Variants in KCNJ6 observed in about 807,000 individuals in gnomAD.
KCNJ6 encodes potassium inwardly rectifying channel subfamily J member 6.
A neutral mutation model predicts 34.2 loss-of-function variants in KCNJ6; 9 were observed. The observed-to-expected ratio is 0.26, with a 90% CI of 0.16 to 0.46. The LOEUF (loss-of-function observed/expected upper bound fraction) is 0.46, where lower values mean the gene tolerates loss of function less well. Among genes scored for constraint, KCNJ6 ranks in the 20% least tolerant of loss-of-function variants. The pLI is 1.00. For missense variants in KCNJ6, 236 were observed against 531.3 expected (o/e 0.44, Z 5.46); for synonymous variants, 196 against 207.1 (o/e 0.95, Z 0.46).
rs10527592 is a variant in KCNJ6, at chr21:37,630,134, C to CTGTGTGTGTGTGTGTGTGTGTG, written c.947-4672_947-4651dup. 4.7e-3 allele frequency among the ~76,000 whole-genome samples: 677 copies of CTGTGTGTGTGTGTGTGTGTGTG among 144,242 alleles called. 7 individuals carry two copies. Among genetic ancestry groups the CTGTGTGTGTGTGTGTGTGTGTG allele is most frequent in the African/African-American group, 0.012 (459 of 38,826 alleles). The allele number at this position is 144,242 out of a possible 152,430, so 94.6% of individuals were successfully genotyped here. A position where few individuals can be genotyped will look rare whatever the true frequency, so the allele number is the denominator to read the frequency against. On this transcript the variant is annotated intron_variant, in intron 3 of 3. Coordinates refer to ENST00000609713, the MANE Select transcript of KCNJ6 (RefSeq NM_002240.5). ...AGGCAGAACTGCCAAGATGACATCT[C>CTGTGTGTGTGTGTGTGTGTGTG]TGTGTGTGTGTGTGTGTGTGTGTGG...
intron 3 of KCNJ6, among the ~76,000 whole-genome samples, chr21:37,680,519 T>A (rs922385530): frequency 1.3e-5 from 2 of 152,172 alleles, no homozygotes; most frequent in African/African-American, 2.4e-5. Flanking sequence ...GATACTTCCG[T>A]GAGAGTGGTT....
At chr21:37,784,335 T>C (rs906845930) in intron 2 of KCNJ6, among the ~76,000 whole-genome samples, 30 of 152,322 alleles carry the variant, frequency 2.0e-4, no homozygotes, top group African/African-American at 6.5e-4. Context: ...AAGGCCTGGT[T>C]GCAAGACTGC....
chr21:37,826,065 CCTTT>C (rs2055397706), intron 2 of KCNJ6, among the ~76,000 whole-genome samples: 1 of 152,244 alleles, frequency 6.6e-6, no homozygotes, highest in South Asian at 2.1e-4. Context: ...CACTGTGACC[CCTTT>C]CTCTCTTATT....
Position 37,608,981 on chromosome 21 carries a change from T to C in KCNJ6, c.*16178A>G, listed in dbSNP as rs766012291. 2 of 152,202 alleles carry C rather than the reference T, an allele frequency of 1.3e-5. No homozygotes were observed. The highest frequency in any genetic ancestry group is 6.5e-5 in the Admixed American group (1 of 15,290). The allele number at this position is 152,202 out of a possible 1,614,324, so 9.4% of individuals were successfully genotyped here. On this transcript the variant is annotated 3_prime_UTR_variant, in exon 4 of 4. Coordinates refer to ENST00000609713, the MANE Select transcript of KCNJ6 (RefSeq NM_002240.5). ...AGTTGCCTGTTGGGATCCCTGAGTA[T>C]AAAAATACAAGTGTGTGCCTGCTCC... is the stretch of plus-strand genomic sequence containing the variant.
intron 2 of KCNJ6, among the ~76,000 whole-genome samples, chr21:37,797,242 G>A (rs1300841120): frequency 1.3e-5 from 2 of 151,902 alleles, no homozygotes; most frequent in Non-Finnish European, 2.9e-5. Flanking sequence ...GTAGAGATGG[G>A]GTTTTGCCAT....
intron 3 of KCNJ6, among the ~76,000 whole-genome samples, chr21:37,702,825 G>A (rs2054698606): frequency 1.3e-5 from 2 of 152,138 alleles, no homozygotes. Flanking sequence ...CAGTAGGGGA[G>A]TCATGAGTGC....
At chr21:37,818,199 TGTGTGTGCGTGC>T (rs145739624) in intron 2 of KCNJ6, among the ~76,000 whole-genome samples, 31 of 21,606 alleles carry the variant, frequency 1.4e-3, no homozygotes, top group Admixed American at 8.1e-3. Flanking sequence ...AGTGCGTGTG[TGTGTGTGCGTGC>T]GTGTGTGTGT....
At chr21:37,678,120 G>A (rs2054575067) in intron 3 of KCNJ6, among the ~76,000 whole-genome samples, 1 of 152,098 alleles carries the variant, frequency 6.6e-6, no homozygotes, top group Admixed American at 6.5e-5. Flanking sequence ...CTTGGCGGGT[G>A]GTGGTGTCAG....
rs563822085 is a variant in KCNJ6 at position 37,610,426 on chromosome 21, C to G, written c.*14733G>C. The G allele has an allele frequency of 1.1e-4, 17 of 151,794 alleles. No homozygotes were observed. Among genetic ancestry groups the G allele is most frequent in the African/African-American group, 4.1e-4 (17 of 41,418 alleles). The allele number at this position is 151,794 out of a possible 1,614,324, so 9.4% of individuals were successfully genotyped here. On this transcript the variant is annotated 3_prime_UTR_variant, in exon 4 of 4. Coordinates refer to ENST00000609713, the MANE Select transcript of KCNJ6 (RefSeq NM_002240.5). ...CCAGCCTGGCCAACATGCTGAAACC[C>G]CATCTCTATTAAAAATACAAAAATT... is the stretch of plus-strand genomic sequence containing the variant.
chr21:37,867,240 A>C (rs2055627095), intron 1 of KCNJ6, among the ~76,000 whole-genome samples: 1 of 152,180 alleles, frequency 6.6e-6, no homozygotes, highest in South Asian at 2.1e-4. Flanking sequence ...CTATTTAAAA[A>C]TCATCCTTTA....
chr21:37,914,212 C>T (rs1294852984), intron 1 of KCNJ6, among the ~76,000 whole-genome samples: 3 of 152,114 alleles, frequency 2.0e-5, no homozygotes, highest in Non-Finnish European at 4.4e-5. Flanking sequence ...CTTTGCCTCA[C>T]GTAATTCCGT....
At chr21:37,776,714 G>C (rs1317472714) in intron 2 of KCNJ6, among the ~76,000 whole-genome samples, 1 of 152,200 alleles carries the variant, frequency 6.6e-6, no homozygotes, top group South Asian at 2.1e-4. Flanking sequence ...AATTATGGTG[G>C]ATAAGCTTTT....
intron 1 of KCNJ6, among the ~76,000 whole-genome samples, chr21:37,902,006 C>T (rs2055819237): frequency 6.6e-6 from 1 of 152,104 alleles, no homozygotes; most frequent in Non-Finnish European, 1.5e-5. Context: ...TAAAATAACT[C>T]ATCTAATAGA....
chr21:37,755,745 T>C (rs2055021041), intron 2 of KCNJ6, among the ~76,000 whole-genome samples: 1 of 152,152 alleles, frequency 6.6e-6, no homozygotes, highest in African/African-American at 2.4e-5. Flanking sequence ...AGGTGGGTGC[T>C]ACCATGGGCC....
chr21:37,725,263 C>T (rs938946064), intron 2 of KCNJ6, among the ~76,000 whole-genome samples: 9 of 152,012 alleles, frequency 5.9e-5, no homozygotes, highest in African/African-American at 2.4e-5. Context: ...CATGGTGGTG[C>T]GTGCTGGTAA....
intron 2 of KCNJ6, among the ~76,000 whole-genome samples, chr21:37,808,290 T>C (rs976068586): frequency 2.6e-5 from 4 of 152,224 alleles, no homozygotes; most frequent in Admixed American, 2.0e-4. Context: ...GCTGATTATT[T>C]TGGTCCTGGG....
At chr21:37,842,017 G>C (rs988565652) in intron 1 of KCNJ6, among the ~76,000 whole-genome samples, 4 of 152,238 alleles carry the variant, frequency 2.6e-5, no homozygotes, top group African/African-American at 7.2e-5. Context: ...GTACCTGACA[G>C]TGTATAAAAG....
intron 2 of KCNJ6, among the ~76,000 whole-genome samples, chr21:37,814,896 CAA>C (rs3061049): frequency 6.8e-4 from 47 of 69,198 alleles, no homozygotes; most frequent in Admixed American, 1.1e-3. Flanking sequence ...GACTCTGTCT[CAA>C]AAAAAAAAAA....
At chr21:37,857,716 C>T (rs192037025) in intron 1 of KCNJ6, among the ~76,000 whole-genome samples, 113 of 152,250 alleles carry the variant, frequency 7.4e-4, no homozygotes, top group Non-Finnish European at 1.5e-3. Context: ...GAAAGAAATC[C>T]CCTGTTTCAT....
Sources: gnomAD v4.1 joint callset for allele counts (sites outside exome capture counted in the v4.1 genomes callset) on GRCh38, gnomAD v4.1.1 for gene constraint, MANE v1.5 for transcripts, NCBI Gene and HGNC (gene_info 2026-07-23, HGNC 2026-07-21) for gene names.